GRHL3: variants seen among roughly 807,000 people sequenced by gnomAD.
GRHL3 encodes grainyhead like transcription factor 3.
In GRHL3, 20 loss-of-function variants were observed where a neutral mutation model predicts 70.3. That is an observed-to-expected ratio of 0.28 (90% CI 0.20 to 0.41). GRHL3 has a LOEUF of 0.41. Ranked by LOEUF, GRHL3 falls within the 10% of genes least tolerant of loss-of-function variation. The pLI is 1.00. For missense variants in GRHL3, 637 were observed against 762.3 expected, an observed-to-expected ratio of 0.84 and a Z score of 1.94; for synonymous variants, 299 against 299.9, an observed-to-expected ratio of 1.00 and a Z score of 0.03.
intron 15 of GRHL3, chr1:24,361,072 C>T (rs1344424599): frequency 6.4e-7 from 1 of 1,566,284 alleles, no homozygotes; most frequent in African/African-American, 1.4e-5. Flanking sequence ...GAAGATGTCA[C>T]TAAGGCAGTC....
downstream of GRHL3, chr1:24,358,673 A>T: frequency 7.2e-7 from 1 of 1,389,344 alleles, no homozygotes; most frequent in Non-Finnish European, 1.0e-6. Context: ...CCATTGCTGC[A>T]GTCTCTGGCA....
chr1:24,337,708 C>G lies in GRHL3; in HGVS notation c.759C>G (p.Leu253=), dbSNP rs146172490. Residue 253 remains leucine (L), a synonymous_variant, in exon 6 of 16, where the codon CTC becomes CTG. Transcript: ENST00000361548. ...CAGGCGAGTCACCCATGGCCTACCTCAACAAAGGCCAGTTCTACCCCGTCA... is the reference window on the plus strand; with the variant it reads ...CAGGCGAGTCACCCATGGCCTACCTGAACAAAGGCCAGTTCTACCCCGTCA... ...IKSGESPMAY[L]NKGQFYPVTL... is the part of the protein sequence containing the mutation. The G allele has an allele frequency of 4.9e-5, 79 of 1,614,072 alleles. No homozygotes were observed. In the African/African-American group the frequency reaches 1.0e-3, roughly 21 times the overall value.
chr1:24,337,297 T>G, intron 5 of GRHL3, 146 bp downstream of exon 5: 2 of 634,148 alleles, frequency 3.2e-6, no homozygotes, highest in Non-Finnish European at 5.5e-6. Context: ...GGAGACAGAA[T>G]GATTCCCACA....
intron 1 of GRHL3, among the ~76,000 whole-genome samples, chr1:24,329,169 T>A (rs1223318469): frequency 6.6e-6 from 1 of 152,206 alleles, no homozygotes; most frequent in African/African-American, 2.4e-5. Flanking sequence ...CTTTCCTGCG[T>A]GACAGCTCCA....
chr1:24,352,238 T>C (rs957508609), intron 15 of GRHL3, among the ~76,000 whole-genome samples: 7 of 152,276 alleles, frequency 4.6e-5, no homozygotes, highest in Middle Eastern at 3.4e-3. Flanking sequence ...TGAGTCCTCA[T>C]GTGAGAAACA....
chr1:24,356,329 G>C (rs1292309651), downstream of GRHL3, among the ~76,000 whole-genome samples: 1 of 151,492 alleles, frequency 6.6e-6, no homozygotes, highest in Non-Finnish European at 1.5e-5. Flanking sequence ...TGCAAGCTCC[G>C]CCTCCCGGGT....
At chr1:24,353,210 G>A (rs2148668251) in intron 15 of GRHL3, among the ~76,000 whole-genome samples, 1 of 152,250 alleles carries the variant, frequency 6.6e-6, no homozygotes, top group South Asian at 2.1e-4. Context: ...ATGAACTGGG[G>A]TAATATGAGG....
intron 15 of GRHL3, chr1:24,364,116 C>T: frequency 2.0e-6 from 3 of 1,464,020 alleles, no homozygotes; most frequent in Non-Finnish European, 2.7e-6. Context: ...CCTGCTGTTC[C>T]TTCTGTGAGA....
intron 2 of GRHL3, among the ~76,000 whole-genome samples, chr1:24,333,425 G>C (rs1639681570): frequency 6.6e-6 from 1 of 152,204 alleles, no homozygotes; most frequent in Non-Finnish European, 1.5e-5. Context: ...TACAGGCTTT[G>C]GAGGCTATGC....
chr1:24,361,501 T>C (rs1641114482), intron 15 of GRHL3, among the ~76,000 whole-genome samples: 1 of 152,106 alleles, frequency 6.6e-6, no homozygotes, highest in Non-Finnish European at 1.5e-5. Flanking sequence ...TTGTGATGCC[T>C]GCCATGGTCA....
chr1:24,343,037 G>T lies in GRHL3; in HGVS notation c.1419+12G>T. ...AGCGCTCTGGAGGGGTGAGGCCAGG[G>T]CTGGGGTCTCGGGAAGGAGCCGAGA... On this transcript the variant is annotated intron_variant, in intron 11 of 15. Coordinates refer to ENST00000361548, the MANE Select transcript of GRHL3 (RefSeq NM_198173.3). 1 of 1,614,012 alleles carries T rather than the reference G, an allele frequency of 6.2e-7. No homozygotes were observed. The highest frequency in any genetic ancestry group is 1.1e-5 in the South Asian group (1 of 91,076).
chr1:24,326,167 A>C (rs1288726813), intron 1 of GRHL3, among the ~76,000 whole-genome samples: 1 of 152,194 alleles, frequency 6.6e-6, no homozygotes, highest in African/African-American at 2.4e-5. Context: ...TTTCCTCCTT[A>C]GTGGGCTGGC....
intron 4 of GRHL3, 59 bp downstream of exon 4, chr1:24,336,886 G>T: frequency 7.2e-7 from 1 of 1,395,172 alleles, no homozygotes; most frequent in East Asian, 2.3e-5. Flanking sequence ...TACAGAATGA[G>T]AGAAGATAGT....
At chr1:24,355,568 A>G (rs1263956550), downstream of GRHL3, among the ~76,000 whole-genome samples, 1 of 152,180 alleles carries the variant, frequency 6.6e-6, no homozygotes, top group Admixed American at 6.5e-5. Context: ...GACTCTGCAG[A>G]GAAAGTCCTG....
intron 11 of GRHL3, 49 bp downstream of exon 11, chr1:24,343,074 C>T (rs1256430168): frequency 1.2e-6 from 2 of 1,611,714 alleles, no homozygotes; most frequent in Non-Finnish European, 1.7e-6. Flanking sequence ...AGGGTCCTGG[C>T]TCCTAGGTGG....
intron 15 of GRHL3, among the ~76,000 whole-genome samples, chr1:24,353,746 G>GCTCT (rs1403640810): frequency 4.6e-5 from 7 of 152,274 alleles, no homozygotes. Context: ...ATAAACAATG[G>GCTCT]CTCTGACTCC....
rs1285548327 is a variant in GRHL3, at chr1:24,334,907, C to A, written c.266+201C>A. Among the ~76,000 whole-genome samples the A allele has an allele frequency of 1.3e-5, 2 of 151,970 alleles. No homozygotes were observed. The highest frequency in any genetic ancestry group is 2.9e-5 in the Non-Finnish European group (2 of 67,974). On this transcript the variant is annotated intron_variant, in intron 3 of 15. Transcript: ENST00000361548. The surrounding 1 kb of genome is among the most constrained non-coding windows in gnomAD (Gnocchi z 4.3). ...AATATAATCCAACTTGGATTATATTCATCTTTATACCATTGTACTTACTAA... is the reference window on the plus strand; with the variant it reads ...AATATAATCCAACTTGGATTATATTAATCTTTATACCATTGTACTTACTAA...
At chr1:24,336,976 T>C (rs1639842967) in intron 4 of GRHL3, 102 bp from the exon 5 acceptor site, 2 of 1,275,320 alleles carry the variant, frequency 1.6e-6, no homozygotes, top group Admixed American at 1.8e-5. Flanking sequence ...TTGTCCAAGT[T>C]GTACACTGTA....
intron 1 of GRHL3, 151 bp downstream of exon 1, chr1:24,319,719 T>C (rs1274434858): frequency 7.6e-5 from 119 of 1,576,072 alleles, no homozygotes; most frequent in Non-Finnish European, 1.0e-4. Context: ...CTTTGGCGTG[T>C]CAAGGCAAGC....
Sources: allele counts gnomAD v4.1 joint callset (sites outside exome capture counted in the v4.1 genomes callset), GRCh38; gene constraint gnomAD v4.1.1; non-coding constraint Gnocchi (gnomAD v3.1); transcripts MANE v1.5; gene names NCBI Gene and HGNC (gene_info 2026-07-23, HGNC 2026-07-21).